The following GBA1 variants were observed in gnomAD, a reference collection of about 807,000 sequenced individuals.
GBA1 encodes glucosylceramidase beta 1.
chr1:155,239,696 G>A, the GBA1 span: 1 of 1,614,172 alleles, frequency 6.2e-7, no homozygotes, highest in Non-Finnish European at 8.5e-7. Context: ...AGCAGCATCT[G>A]TCATGGCCCC....
the GBA1 span, chr1:155,237,344 C>T: frequency 1.2e-6 from 2 of 1,613,834 alleles, no homozygotes; most frequent in East Asian, 2.2e-5. Flanking sequence ...GCCTTACCAC[C>T]TTTGCCCAGT....
chr1:155,237,669 G>A, the GBA1 span: 3 of 1,574,690 alleles, frequency 1.9e-6, no homozygotes, highest in Non-Finnish European at 2.6e-6. Context: ...CCAGCACTTT[G>A]GGAAGCCGAG....
the GBA1 span, chr1:155,238,807 G>A: frequency 3.0e-5 from 27 of 890,730 alleles, no homozygotes; most frequent in Middle Eastern, 3.4e-4. Context: ...TGGGTGAAGC[G>A]CAGGCCTTTC....
chr1:155,237,239 G>C, the GBA1 span: 4 of 1,585,920 alleles, frequency 2.5e-6, no homozygotes, highest in Non-Finnish European at 3.4e-6. Flanking sequence ...TGGTGCTCTA[G>C]GAATCCATAG....
At chr1:155,240,164 C>T in the GBA1 span, 4 of 1,302,082 alleles carry the variant, frequency 3.1e-6, no homozygotes, top group African/African-American at 1.5e-5. Flanking sequence ...AACACGGTTT[C>T]AAAATTCCTC....
At chr1:155,237,789 C>T in the GBA1 span, 34 of 1,023,640 alleles carry the variant, frequency 3.3e-5, no homozygotes, top group Non-Finnish European at 4.1e-5. Context: ...ATAATCCCAG[C>T]TACTTGGAAG....
the GBA1 span, chr1:155,235,977 A>T: frequency 1.9e-6 from 2 of 1,038,466 alleles, no homozygotes. Context: ...CTTAGTAGCT[A>T]AGGAGTTGGG....
At chr1:155,240,086 G>A in the GBA1 span, 2 of 1,612,468 alleles carry the variant, frequency 1.2e-6, no homozygotes, top group Non-Finnish European at 1.7e-6. Context: ...ACCTGGGAGG[G>A]AGGGAGTACA....
the GBA1 span, chr1:155,239,532 T>G: frequency 6.8e-7 from 1 of 1,465,848 alleles, no homozygotes; most frequent in Non-Finnish European, 9.4e-7. Context: ...AGAGTGAGAT[T>G]CTGCCTCAAA....
At chr1:155,240,440 G>A in the GBA1 span, 1 of 659,392 alleles carries the variant, frequency 1.5e-6, no homozygotes, top group Non-Finnish European at 2.7e-6. Flanking sequence ...CTCCAGCCCA[G>A]GCAACAGAGT....
the GBA1 span, among the ~76,000 whole-genome samples, chr1:155,242,240 T>G: frequency 3.9e-5 from 6 of 152,330 alleles, no homozygotes; most frequent in East Asian, 9.6e-4. Flanking sequence ...TGTTGTTTTT[T>G]GAGACAGAGT....
chr1:155,237,060 A>C, the GBA1 span, among the ~76,000 whole-genome samples: 36 of 151,572 alleles, frequency 2.4e-4, no homozygotes, highest in African/African-American at 8.5e-4. Context: ...TAGTAGACAC[A>C]GGGTTTCAAC....
At chr1:155,235,543 A>C in the GBA1 span, 1 of 1,159,720 alleles carries the variant, frequency 8.6e-7, no homozygotes, top group African/African-American at 1.6e-5. Flanking sequence ...TCCATGGTGC[A>C]AAAGGGGATG....
the GBA1 span, chr1:155,236,599 TG>T: frequency 2.6e-6 from 2 of 769,654 alleles, no homozygotes; most frequent in African/African-American, 1.7e-5. Flanking sequence ...GATTTTTTTT[TG>T]TTTTTGAGAC....
At chr1:155,240,399 G>A in the GBA1 span, 10 of 611,702 alleles carry the variant, frequency 1.6e-5, no homozygotes, top group Non-Finnish European at 2.9e-5. Flanking sequence ...GGGAGGCAGA[G>A]GTTGGAATGA....
chr1:155,242,175 G>A, the GBA1 span, among the ~76,000 whole-genome samples: 1 of 152,196 alleles, frequency 6.6e-6, no homozygotes, highest in Non-Finnish European at 1.5e-5. Context: ...TGCAGTGCCT[G>A]ACCACTTGGT....
the GBA1 span, among the ~76,000 whole-genome samples, chr1:155,243,422 C>T: frequency 6.6e-6 from 1 of 152,208 alleles, no homozygotes; most frequent in African/African-American, 2.4e-5. Context: ...TTCCACTTCC[C>T]CTCTGCATAG....
At chr1:155,236,463 T>A in the GBA1 span, 4 of 1,613,618 alleles carry the variant, frequency 2.5e-6, no homozygotes, top group Non-Finnish European at 3.4e-6. Flanking sequence ...TCTGGGTCTG[T>A]CAGTACCTGC....
chr1:155,236,276 C>T, the GBA1 span: 4 of 1,614,028 alleles, frequency 2.5e-6, no homozygotes, highest in South Asian at 1.1e-5. Context: ...CTGCATCCCT[C>T]GATCCCAGGA....
Sources: allele counts gnomAD v4.1 joint callset (sites outside exome capture counted in the v4.1 genomes callset), GRCh38; gene constraint gnomAD v4.1.1; transcripts MANE v1.5; gene names NCBI Gene and HGNC (gene_info 2026-07-23, HGNC 2026-07-21).